Variants in ATRX observed in about 807,000 individuals in gnomAD.
ATRX encodes ATRX chromatin remodeler.
Under a neutral mutation model 172.6 loss-of-function variants are expected in ATRX, and 12 were observed. That is an observed-to-expected ratio of 0.07 (90% CI 0.04 to 0.11). The LOEUF (loss-of-function observed/expected upper bound fraction) is 0.11. ATRX is among the 10% of genes least tolerant of loss of function. The pLI is 1.00. For synonymous variants in ATRX, 674 were observed against 594.7 expected, an observed-to-expected ratio of 1.13 and a Z score of -1.94; for missense variants, 1,368 against 1,767.4, an observed-to-expected ratio of 0.77 and a Z score of 4.05.
At chrX:77,645,513 T>A (rs1275911705) in intron 15 of ATRX, among the ~76,000 whole-genome samples, 1 of 111,541 alleles carries the variant, frequency 9.0e-6, no homozygotes, top group Non-Finnish European at 1.9e-5. Flanking sequence ...CTAAGCCAAA[T>A]GAATTTGTTA....
chrX:77,719,867 C>G (rs2073656711), intron 1 of ATRX, among the ~76,000 whole-genome samples: 1 of 111,825 alleles, frequency 8.9e-6, no homozygotes, highest in East Asian at 2.8e-4. Flanking sequence ...GACCCCAAAG[C>G]AACAGAATAT....
At chrX:77,754,345 G>T (rs782478546) in intron 1 of ATRX, among the ~76,000 whole-genome samples, 1 of 111,327 alleles carries the variant, frequency 9.0e-6, no homozygotes, top group African/African-American at 3.3e-5. Context: ...TACATTTAAG[G>T]TTCATATTAT....
At position 77,552,590 on chromosome X, in the gene ATRX, A is replaced by G. The variant is rs1220029758; in HGVS notation, c.6699+4861T>C. Among the ~76,000 whole-genome samples, 3 of 110,708 alleles carry G rather than the reference A, an allele frequency of 2.7e-5. No homozygotes were observed. The East Asian group carries it at 8.5e-4, about 32-fold the overall frequency. On this transcript the variant is annotated intron_variant, in intron 30 of 34. Transcript: ENST00000373344. ...ACAAACCTGCACGTTGTGTACATGT[A>G]CCCCAGAACTTAAAGTATAATAATA...
At chrX:77,520,761 G>A in intron 34 of ATRX, 27 bp downstream of exon 34, 1 of 1,199,787 alleles carries the variant, frequency 8.3e-7, no homozygotes, top group Non-Finnish European at 1.1e-6. Flanking sequence ...ACATAACCTA[G>A]AAATAGTCAG....
At chrX:77,727,890 G>A (rs1557174028) in intron 1 of ATRX, 1 of 111,555 alleles carries the variant, frequency 9.0e-6, no homozygotes, top group African/African-American at 3.3e-5. Flanking sequence ...AACCAGAGAA[G>A]AAGTCTGAAG....
chrX:77,586,970 G>T (rs782753416), intron 27 of ATRX, among the ~76,000 whole-genome samples: 4 of 109,514 alleles, frequency 3.7e-5, no homozygotes, highest in African/African-American at 1.3e-4. Context: ...CACAAGAATC[G>T]CTTGAACCCA....
intron 1 of ATRX, among the ~76,000 whole-genome samples, chrX:77,736,745 A>G (rs1055309067): frequency 8.9e-6 from 1 of 112,443 alleles, no homozygotes; most frequent in Non-Finnish European, 1.9e-5. Context: ...GCAAATCAGC[A>G]TATCAAAGGG....
intron 1 of ATRX, among the ~76,000 whole-genome samples, chrX:77,755,988 T>C (rs548920270): frequency 4.9e-4 from 55 of 112,363 alleles, no homozygotes; most frequent in South Asian, 2.2e-3. Flanking sequence ...CAGGAAGATG[T>C]GAGTTTTATC....
At chrX:77,669,310 CT>C (rs377754260) in intron 10 of ATRX, among the ~76,000 whole-genome samples, 258 of 102,714 alleles carry the variant, frequency 2.5e-3, no homozygotes, top group East Asian at 0.016. Context: ...CAGATGATGC[CT>C]TTTTTTTTTT....
Position 77,701,969 on chromosome X carries a change from G to A in ATRX, c.134-3340C>T, listed in dbSNP as rs889162360. Among the ~76,000 whole-genome samples the A allele has an allele frequency of 3.6e-5, 4 of 110,808 alleles. No individual in the cohort carries two copies. The Admixed American group carries it at 3.9e-4, about 11-fold the overall frequency. On this transcript the variant is annotated intron_variant, in intron 2 of 34. Coordinates refer to ENST00000373344, the MANE Select transcript of ATRX (RefSeq NM_000489.6). ...TAATCCCAGCTCCTAGGGATGCTGA[G>A]GTAGGAAAGTCACTTGAACCCAGGG... is the stretch of plus-strand genomic sequence containing the variant.
chrX:77,681,774 C>G lies in ATRX; in HGVS notation c.3482G>C (p.Ser1161Thr), dbSNP rs2148572199. The G allele has an allele frequency of 3.3e-6, 4 of 1,198,978 alleles. No individual in the cohort carries two copies. Among genetic ancestry groups the G allele is most frequent in the Non-Finnish European group, 4.5e-6 (4 of 892,019 alleles). The change falls in exon 9 of 35, where the codon AGT becomes ACT. Residue 1161 changes from serine to threonine, a missense_variant. Physicochemically the swap from Ser to Thr is moderately conservative, Grantham distance 58. Around this residue, in one of 17 missense-constraint regions of ATRX, gnomAD observed 843 missense variants for 643.1 expected, o/e 1.31. Transcript: ENST00000373344. ...SGSSSSDAEE[S>T]SEDNKKKKQR... ...CTTCTTCTTTTTATTATCTTCAGAA[C>G]TTTCCTCAGCATCAGATGATGATGA...
chrX:77,599,873 G>C (rs2066611840), intron 23 of ATRX, 53 bp from the exon 24 acceptor site: 1 of 944,127 alleles, frequency 1.1e-6, no homozygotes, highest in Non-Finnish European at 1.5e-6. Context: ...ACTTACACTG[G>C]AAATTATATT....
At chrX:77,771,483 C>A (rs1223138465) in intron 1 of ATRX, among the ~76,000 whole-genome samples, 4 of 110,198 alleles carry the variant, frequency 3.6e-5, no homozygotes, top group Non-Finnish European at 7.6e-5. Flanking sequence ...TTTCTCAAGG[C>A]ACCCAAGGGC....
chrX:77,649,436 A>G (rs188045136), intron 15 of ATRX, among the ~76,000 whole-genome samples: 1 of 112,472 alleles, frequency 8.9e-6, no homozygotes, highest in Non-Finnish European at 1.9e-5. Flanking sequence ...ACACAAACGT[A>G]TACATGAAAG....
At chrX:77,751,491 G>GC (rs1230056644) in intron 1 of ATRX, among the ~76,000 whole-genome samples, 1 of 111,797 alleles carries the variant, frequency 8.9e-6, no homozygotes, top group African/African-American at 3.3e-5. Flanking sequence ...TCCAATGATA[G>GC]TTTTTTTGCT....
At chrX:77,755,390 T>G (rs1041746382) in intron 1 of ATRX, among the ~76,000 whole-genome samples, 1 of 112,107 alleles carries the variant, frequency 8.9e-6, no homozygotes, top group African/African-American at 3.2e-5. Context: ...AGAGGAGCTG[T>G]GTTCATTTGA....
Position 77,716,110 on chromosome X carries a change from A to ATTTTTTTT in ATRX, c.133+1013_133+1020dup, listed in dbSNP as rs199639051. On this transcript the variant is annotated intron_variant, in intron 2 of 34. Coordinates refer to ENST00000373344, the MANE Select transcript of ATRX (RefSeq NM_000489.6). ...ACATAGCAAGACCATGTCTCTAAAA[A>ATTTTTTTT]TTTTTTTTTTTTTTTTTTTTTTTTT... Among the ~76,000 whole-genome samples the ATTTTTTTT allele has an allele frequency of 1.2e-3, 66 of 54,383 alleles. 3 individuals carry two copies. Among genetic ancestry groups the ATTTTTTTT allele is most frequent in the East Asian group, 3.2e-3 (5 of 1,552 alleles). 47.2% of individuals were successfully genotyped at this position (54,383 alleles called of 115,157 possible).
intron 25 of ATRX, 121 bp from the exon 26 acceptor site, chrX:77,593,970 G>T: frequency 3.1e-6 from 2 of 635,005 alleles, no homozygotes; most frequent in South Asian, 5.7e-5. Flanking sequence ...GGACTTGGGA[G>T]AGGGGAGGGA....
chrX:77,561,083 G>A (rs2065002484), intron 28 of ATRX, among the ~76,000 whole-genome samples: 1 of 109,061 alleles, frequency 9.2e-6, no homozygotes, highest in Non-Finnish European at 1.9e-5. Flanking sequence ...GTGGTCAGTG[G>A]GATTATGATG....
Sources: allele counts gnomAD v4.1 joint callset (sites outside exome capture counted in the v4.1 genomes callset), GRCh38; gene constraint gnomAD v4.1.1; regional missense constraint gnomAD v4.1.1; transcripts MANE v1.5; gene names NCBI Gene and HGNC (gene_info 2026-07-23, HGNC 2026-07-21).